Variants in PTPRD observed in about 807,000 individuals in gnomAD.
PTPRD encodes receptor-type tyrosine-protein phosphatase delta.
In PTPRD, 34 loss-of-function variants were observed where a neutral mutation model predicts 214.5. That is an observed-to-expected ratio of 0.16 (90% CI 0.12 to 0.21). The LOEUF is 0.21. Among genes scored for constraint, PTPRD ranks in the 10% least tolerant of loss-of-function variants. PTPRD has a pLI of 1.00. For synonymous variants in PTPRD, 1,128 were observed against 845.7 expected (o/e 1.33, Z -5.79); for missense variants, 2,545 against 2,398.7 (o/e 1.06, Z -1.27).
At chr9:10,023,369 T>C (rs1003230597) in intron 4 of PTPRD, among the ~76,000 whole-genome samples, 6 of 152,134 alleles carry the variant, frequency 3.9e-5, no homozygotes, top group Non-Finnish European at 8.8e-5. Context: ...GCCTGAATAA[T>C]GGGGTATTAT....
At chr9:8,808,590 T>C (rs958059264) in intron 11 of PTPRD, among the ~76,000 whole-genome samples, 1 of 151,764 alleles carries the variant, frequency 6.6e-6, no homozygotes, top group African/African-American at 2.4e-5. Flanking sequence ...TGGCCCACTG[T>C]ATTTATGCAA....
At chr9:9,453,262 T>C (rs1588863319) in intron 8 of PTPRD, among the ~76,000 whole-genome samples, 1 of 151,760 alleles carries the variant, frequency 6.6e-6, no homozygotes, top group East Asian at 1.9e-4. Flanking sequence ...ATGCTTAACC[T>C]CATTTTATAA....
chr9:10,547,352 T>C (rs2060385203), intron 2 of PTPRD, among the ~76,000 whole-genome samples: 1 of 152,012 alleles, frequency 6.6e-6, no homozygotes. Context: ...TGGTGCTAAG[T>C]CTGTTTCCAG....
At chr9:10,132,612 C>G (rs980249309) in intron 3 of PTPRD, among the ~76,000 whole-genome samples, 5 of 152,156 alleles carry the variant, frequency 3.3e-5, no homozygotes, top group Non-Finnish European at 5.9e-5. Flanking sequence ...ATAAGGATAG[C>G]TCTGCTATGC....
chr9:8,632,327 C>A (rs2096279296), intron 14 of PTPRD, among the ~76,000 whole-genome samples: 1 of 151,930 alleles, frequency 6.6e-6, no homozygotes, highest in African/African-American at 2.4e-5. Flanking sequence ...TAAAGTAAAA[C>A]CATCCCTCCA....
intron 9 of PTPRD, among the ~76,000 whole-genome samples, chr9:9,298,805 A>G (rs1954121400): frequency 6.6e-6 from 1 of 151,802 alleles, no homozygotes; most frequent in African/African-American, 2.4e-5. Flanking sequence ...TAGCTGTTCA[A>G]TAGAAGTTCA....
At chr9:9,275,091 G>GTTATATATATAATATATTATATATATA (rs1944624114) in intron 9 of PTPRD, among the ~76,000 whole-genome samples, 1 of 53,176 alleles carries the variant, frequency 1.9e-5, no homozygotes, top group Non-Finnish European at 3.6e-5. Context: ...TAATATATAT[G>GTTATATATATAATATATTATATATATA]TTATATATAT....
chr9:8,904,278 T>C (rs946120440), intron 11 of PTPRD, among the ~76,000 whole-genome samples: 5 of 152,196 alleles, frequency 3.3e-5, no homozygotes, highest in Non-Finnish European at 5.9e-5. Flanking sequence ...ACTCAGTAAA[T>C]TTAAGATTGA....
intron 34 of PTPRD, among the ~76,000 whole-genome samples, chr9:8,443,325 A>C (rs1025439721): frequency 2.6e-5 from 4 of 152,218 alleles, no homozygotes; most frequent in Non-Finnish European, 5.9e-5. Context: ...TAAAATATGA[A>C]TGTATGAAGA....
chr9:9,710,565 C>A (rs138358108), intron 7 of PTPRD, among the ~76,000 whole-genome samples: 4 of 151,812 alleles, frequency 2.6e-5, no homozygotes, highest in African/African-American at 9.7e-5. Context: ...TAATTCAGGT[C>A]ATTCTGACTC....
chr9:9,238,941 G>T (rs1483131755), intron 9 of PTPRD, among the ~76,000 whole-genome samples: 1 of 152,012 alleles, frequency 6.6e-6, no homozygotes, highest in East Asian at 1.9e-4. Context: ...ATTCCAAGTG[G>T]TCTTTGGAAA....
chr9:9,889,339 T>C (rs1482764465), intron 5 of PTPRD, among the ~76,000 whole-genome samples: 4 of 152,148 alleles, frequency 2.6e-5, no homozygotes, highest in Non-Finnish European at 2.9e-5. Context: ...CATTCCACAA[T>C]GTATATATGC....
intron 35 of PTPRD, among the ~76,000 whole-genome samples, chr9:8,421,691 G>A (rs1349728072): frequency 2.0e-5 from 3 of 151,990 alleles, no homozygotes; most frequent in African/African-American, 7.3e-5. Context: ...ACTCCTCAGT[G>A]CCCTTAGTTT....
intron 5 of PTPRD, among the ~76,000 whole-genome samples, chr9:9,844,194 T>C (rs986668841): frequency 6.6e-6 from 1 of 152,150 alleles, no homozygotes; most frequent in Non-Finnish European, 1.5e-5. Flanking sequence ...AATTAAAATT[T>C]TAATTGACAA....
intron 8 of PTPRD, among the ~76,000 whole-genome samples, chr9:9,511,745 T>C (rs1321915629): frequency 1.3e-5 from 2 of 151,832 alleles, no homozygotes; most frequent in Non-Finnish European, 2.9e-5. Context: ...CCATAGTTTA[T>C]ACTTTAGATA....
At chr9:10,422,518 G>C (rs1402538867) in intron 2 of PTPRD, among the ~76,000 whole-genome samples, 1 of 151,932 alleles carries the variant, frequency 6.6e-6, no homozygotes, top group Non-Finnish European at 1.5e-5. Flanking sequence ...AGAGTAAACA[G>C]GCAACCTACA....
chr9:8,647,164 T>C (rs2096712987), intron 12 of PTPRD, among the ~76,000 whole-genome samples: 1 of 152,208 alleles, frequency 6.6e-6, no homozygotes, highest in African/African-American at 2.4e-5. Context: ...TAATATAACG[T>C]GATGAGTCTT....
intron 3 of PTPRD, among the ~76,000 whole-genome samples, chr9:10,195,932 A>C (rs2099396288): frequency 6.6e-6 from 1 of 152,198 alleles, no homozygotes; most frequent in Non-Finnish European, 1.5e-5. Flanking sequence ...TTCCATTTGT[A>C]CTACTTTGTT....
At position 9,150,384 on chromosome 9, in the gene PTPRD, G is replaced by A. The variant is rs1326656784; in HGVS notation, c.-143+32920C>T. On this transcript the variant is annotated intron_variant, in intron 10 of 45. Transcript: ENST00000381196. ...TATAAGCACAGTCTTTTACATCATG[G>A]AGCTTTCATCATCTAATTGAAACTA... is the stretch of plus-strand genomic sequence containing the variant. 2.0e-5 allele frequency among the ~76,000 whole-genome samples: 3 copies of A among 149,652 alleles called. No homozygotes were observed. In the East Asian group the frequency reaches 5.8e-4, roughly 29 times the overall value.
Sources: gnomAD v4.1 joint callset for allele counts (sites outside exome capture counted in the v4.1 genomes callset) on GRCh38, gnomAD v4.1.1 for gene constraint, MANE v1.5 for transcripts, NCBI Gene and HGNC (gene_info 2026-07-23, HGNC 2026-07-21) for gene names.